The following MYOM2 variants were observed in gnomAD, a reference collection of about 807,000 sequenced individuals.
MYOM2 encodes myomesin 2, also known as myomesin-2.
MYOM2 carries 254 observed loss-of-function variants against 187.6 expected under a neutral mutation model. The observed-to-expected ratio is 1.35, with a 90% CI of 1.22 to 1.50. MYOM2 has a LOEUF of 1.50. MYOM2 is among the 40% of genes most tolerant of loss of function. The pLI, the probability that MYOM2 is intolerant of heterozygous loss-of-function variation, is 0.00. For missense variants in MYOM2, 2,796 were observed against 1,924.0 expected (o/e 1.45, Z -8.48); for synonymous variants, 981 against 753.8 (o/e 1.30, Z -4.94).
intron 36 of MYOM2, 98 bp downstream of exon 36, chr8:2,143,554 C>T: frequency 7.1e-7 from 1 of 1,416,372 alleles, no homozygotes; most frequent in Non-Finnish European, 9.9e-7. Flanking sequence ...CAGTGAGGGG[C>T]TTCTGTGTCC....
At chr8:2,087,076 C>G (rs1308904955) in intron 14 of MYOM2, among the ~76,000 whole-genome samples, 1 of 152,150 alleles carries the variant, frequency 6.6e-6, no homozygotes, top group Non-Finnish European at 1.5e-5. Context: ...TTTACCCTGT[C>G]CGGTGACATT....
chr8:2,131,349 G>A (rs547189515), intron 32 of MYOM2, among the ~76,000 whole-genome samples: 6 of 151,982 alleles, frequency 3.9e-5, no homozygotes, highest in African/African-American at 9.7e-5. Flanking sequence ...TGTCAGTCAC[G>A]CCCCTACTAA....
At chr8:2,108,707 C>CTA (rs1252900887) in intron 23 of MYOM2, 79 bp from the exon 24 acceptor site, 186 of 1,372,506 alleles carry the variant, frequency 1.4e-4, no homozygotes, top group Non-Finnish European at 1.8e-4. Context: ...CAATCTTGCT[C>CTA]GTGTGTCGCC....
chr8:2,072,261 C>A (rs1819251518), intron 8 of MYOM2, 84 bp from the exon 9 acceptor site: 1 of 810,668 alleles, frequency 1.2e-6, no homozygotes, highest in Non-Finnish European at 1.6e-6. Context: ...AAGAAAGATG[C>A]TCTCTGCCCT....
chr8:2,079,078 C>T (rs1287987704), intron 12 of MYOM2, 145 bp downstream of exon 12: 1 of 710,564 alleles, frequency 1.4e-6, no homozygotes, highest in East Asian at 2.7e-5. Context: ...TTACAACGTT[C>T]TCTGACATCT....
chr8:2,045,708 T>G (rs1818289756), intron 1 of MYOM2, among the ~76,000 whole-genome samples: 1 of 152,242 alleles, frequency 6.6e-6, no homozygotes, highest in Non-Finnish European at 1.5e-5. Flanking sequence ...AATGACAGCG[T>G]TCTTACGGCT....
chr8:2,129,837 C>G (rs182288229), intron 32 of MYOM2, among the ~76,000 whole-genome samples: 1 of 152,160 alleles, frequency 6.6e-6, no homozygotes, highest in Non-Finnish European at 1.5e-5. Flanking sequence ...AAGCCGACAT[C>G]TGAAACAACC....
In MYOM2 at chr8:2,104,482, G is replaced by A. The variant is rs1230196771; in HGVS notation, c.2734+1701G>A. Among the ~76,000 whole-genome samples, 3 of 152,058 alleles carry A rather than the reference G, an allele frequency of 2.0e-5. No homozygotes were observed. In the East Asian group the frequency reaches 5.8e-4, roughly 29 times the overall value. ...TAGCTGGGCATGGTGTTGGGCGCCT[G>A]TAGTCCCAGCTACTCAGGAGGCGGA... On this transcript the variant is annotated intron_variant, in intron 21 of 36. Transcript: ENST00000262113.
chr8:2,133,375 G>C (rs894015896), intron 32 of MYOM2, among the ~76,000 whole-genome samples: 5 of 152,190 alleles, frequency 3.3e-5, no homozygotes, highest in Non-Finnish European at 7.3e-5. Context: ...ACTGAGAAGA[G>C]CTCAGACACC....
At chr8:2,119,339 G>A (rs1797348752) in intron 28 of MYOM2, 1 of 152,408 alleles carries the variant, frequency 6.6e-6, no homozygotes, top group Non-Finnish European at 1.5e-5. Flanking sequence ...AGGAGAAGAG[G>A]AGACCAGCTC....
Position 2,086,353 on chromosome 8 carries a change from C to T in MYOM2, c.1644+963C>T, listed in dbSNP as rs1418976479. ...TGGCCCCCCACTGTTGTGATCTCTG[C>T]GTGGCCTCCCACTGTTGTGATCTCT... On this transcript the variant is annotated intron_variant, in intron 14 of 36. Coordinates refer to ENST00000262113, the MANE Select transcript of MYOM2 (RefSeq NM_003970.4). 9.4e-4 allele frequency among the ~76,000 whole-genome samples: 43 copies of T among 45,796 alleles called. 4 individuals carry two copies. The highest frequency in any genetic ancestry group is 2.8e-3 in the East Asian group (2 of 704). The allele number at this position is 45,796 out of a possible 152,430, so 30.0% of individuals were successfully genotyped here.
intron 1 of MYOM2, among the ~76,000 whole-genome samples, chr8:2,046,524 C>T (rs968061393): frequency 2.6e-5 from 4 of 151,892 alleles, no homozygotes; most frequent in South Asian, 2.1e-4. Flanking sequence ...AACAGTACAG[C>T]GTGGCGCCAG....
chr8:2,106,101 C>G, intron 21 of MYOM2, 141 bp from the exon 22 acceptor site: 1 of 800,578 alleles, frequency 1.2e-6, no homozygotes, highest in Middle Eastern at 3.8e-4. Context: ...CCAATCACCT[C>G]ACTCCCTCTA....
intron 32 of MYOM2, among the ~76,000 whole-genome samples, chr8:2,132,061 T>G (rs62479969): frequency 0.14 from 21,162 of 152,194 alleles, 2,578 homozygotes; most frequent in African/African-American, 0.31. Context: ...GTAATTCACT[T>G]CTTGATGACT....
At chr8:2,067,235 A>G (rs1461195825) in intron 6 of MYOM2, among the ~76,000 whole-genome samples, 4 of 152,200 alleles carry the variant, frequency 2.6e-5, no homozygotes, top group Admixed American at 2.0e-4. Flanking sequence ...CTTCGCAGGA[A>G]TGGATTTTGT....
At chr8:2,048,091 C>T (rs184335013) in intron 1 of MYOM2, among the ~76,000 whole-genome samples, 25 of 152,312 alleles carry the variant, frequency 1.6e-4, no homozygotes, top group African/African-American at 5.8e-4. Context: ...TTGACTCTTC[C>T]CTTTACCAAG....
intron 6 of MYOM2, among the ~76,000 whole-genome samples, chr8:2,060,908 T>C (rs1337211804): frequency 2.0e-5 from 3 of 151,162 alleles, no homozygotes; most frequent in Admixed American, 1.3e-4. Flanking sequence ...AGCAGGAAAG[T>C]GGGAGTGAGA....
At chr8:2,083,696 G>A (rs1189058374) in intron 13 of MYOM2, among the ~76,000 whole-genome samples, 1 of 152,150 alleles carries the variant, frequency 6.6e-6, no homozygotes, top group East Asian at 1.9e-4. Flanking sequence ...TCCCTGGCTC[G>A]AGGGACCCTT....
intron 26 of MYOM2, 33 bp from the exon 27 acceptor site, chr8:2,116,182 GT>G (rs1473236145): frequency 1.2e-6 from 2 of 1,600,062 alleles, no homozygotes; most frequent in African/African-American, 1.4e-5. Context: ...AAGCAAACAT[GT>G]TTCATATATA....
Sources: allele counts gnomAD v4.1 joint callset (sites outside exome capture counted in the v4.1 genomes callset), GRCh38; gene constraint gnomAD v4.1.1; transcripts MANE v1.5; gene names NCBI Gene and HGNC (gene_info 2026-07-23, HGNC 2026-07-21).